The following CDH12 variants were observed in gnomAD, a reference collection of about 807,000 sequenced individuals.
CDH12 encodes the protein cadherin 12.
CDH12 carries 41 observed loss-of-function variants against 74.1 expected under a neutral mutation model. The ratio of observed to expected loss-of-function variants is 0.55; its 90% confidence interval spans 0.43 to 0.72. The LOEUF is 0.72. Among genes scored for constraint, CDH12 ranks in the 30% least tolerant of loss-of-function variants. The probability of loss-of-function intolerance (pLI) is 0.00; values close to 1 mark genes in which losing one functional copy is unlikely to be tolerated. For missense variants in CDH12, 945 were observed against 977.2 expected, an observed-to-expected ratio of 0.97 and a Z score of 0.44; for synonymous variants, 399 against 355.0, an observed-to-expected ratio of 1.12 and a Z score of -1.39.
Position 21,804,242 on chromosome 5 carries a change from A to C in CDH12, c.1003-1822T>G, listed in dbSNP as rs535343099. On this transcript the variant is annotated intron_variant, in intron 9 of 14. Coordinates refer to ENST00000382254, the MANE Select transcript of CDH12 (RefSeq NM_004061.5). ...ATATAAGCAAAGAATAGTATGCATA[A>C]TATGCGATGGTTGATAATGTGGCCT... 3.3e-5 allele frequency among the ~76,000 whole-genome samples: 5 copies of C among 152,296 alleles called. No homozygotes were observed. In the East Asian group the frequency reaches 9.6e-4, roughly 29 times the overall value.
chr5:22,200,660 G>C (rs926226995), intron 4 of CDH12, among the ~76,000 whole-genome samples: 1 of 152,158 alleles, frequency 6.6e-6, no homozygotes, highest in African/African-American at 2.4e-5. Flanking sequence ...TGTGTTCTCT[G>C]ACATTTCATC....
intron 1 of CDH12, among the ~76,000 whole-genome samples, chr5:22,756,116 AAAAG>A (rs1262498698): frequency 3.0e-4 from 45 of 147,830 alleles, no homozygotes; most frequent in Middle Eastern, 3.6e-3. Flanking sequence ...AAAAAAAAAA[AAAAG>A]AAAGAAAGAA....
chr5:22,343,511 G>A (rs1043214057), intron 3 of CDH12, among the ~76,000 whole-genome samples: 8 of 152,108 alleles, frequency 5.3e-5, no homozygotes, highest in South Asian at 2.1e-4. Context: ...TCTGCCTCCC[G>A]GGTTCATGCC....
At chr5:21,804,306 A>C (rs536711503) in intron 9 of CDH12, among the ~76,000 whole-genome samples, 37 of 152,258 alleles carry the variant, frequency 2.4e-4, no homozygotes, top group African/African-American at 8.7e-4. Flanking sequence ...TGAAAAAAAG[A>C]GAGAGGATCA....
chr5:21,976,481 A>T (rs1166792117), intron 5 of CDH12, among the ~76,000 whole-genome samples: 1 of 150,596 alleles, frequency 6.6e-6, no homozygotes, highest in African/African-American at 2.4e-5. Context: ...AAAATAGTGC[A>T]TCATATATAA....
At chr5:21,792,391 G>A (rs181702501) in intron 10 of CDH12, among the ~76,000 whole-genome samples, 100 of 151,702 alleles carry the variant, frequency 6.6e-4, no homozygotes, top group African/African-American at 2.3e-3. Context: ...TCTATTGCTT[G>A]TTTTAAATGT....
intron 3 of CDH12, among the ~76,000 whole-genome samples, chr5:22,377,489 G>A (rs760388250): frequency 2.0e-5 from 3 of 152,166 alleles, no homozygotes; most frequent in Non-Finnish European, 2.9e-5. Flanking sequence ...ATTTGCATCC[G>A]GCTTGAGAGA....
At chr5:21,883,320 G>A (rs1243441261) in intron 6 of CDH12, 10 of 1,510,708 alleles carry the variant, frequency 6.6e-6, no homozygotes, top group African/African-American at 1.4e-5. Flanking sequence ...GGATGCCTAT[G>A]TTCTGTTGAG....
intron 5 of CDH12, among the ~76,000 whole-genome samples, chr5:22,003,308 A>C (rs1270853900): frequency 6.6e-6 from 1 of 152,206 alleles, no homozygotes; most frequent in African/African-American, 2.4e-5. Context: ...TTAGTTAATG[A>C]AGTCATCTGT....
At chr5:21,804,693 C>CACACAT (rs1561199577) in intron 9 of CDH12, among the ~76,000 whole-genome samples, 1 of 137,602 alleles carries the variant, frequency 7.3e-6, no homozygotes, top group Admixed American at 7.3e-5. Flanking sequence ...CACACACACA[C>CACACAT]ATAGATGTTT....
At chr5:22,572,187 C>T (rs1318680306) in intron 1 of CDH12, among the ~76,000 whole-genome samples, 1 of 151,982 alleles carries the variant, frequency 6.6e-6, no homozygotes, top group Non-Finnish European at 1.5e-5. Flanking sequence ...CTTACCTTGC[C>T]CTAAGATTTC....
intron 6 of CDH12, among the ~76,000 whole-genome samples, chr5:21,895,921 A>C (rs531841541): frequency 2.6e-5 from 4 of 152,262 alleles, no homozygotes; most frequent in African/African-American, 7.2e-5. Context: ...AGTTATTTTC[A>C]TCAGTGTGTG....
chr5:21,817,538 TGATA>T (rs759136259), intron 8 of CDH12, among the ~76,000 whole-genome samples: 172 of 151,816 alleles, frequency 1.1e-3, no homozygotes, highest in East Asian at 2.9e-3. Context: ...GATAGATAGA[TGATA>T]GATAGATAGA....
intron 3 of CDH12, among the ~76,000 whole-genome samples, chr5:22,247,264 C>T (rs1252475345): frequency 1.3e-5 from 2 of 151,928 alleles, no homozygotes; most frequent in African/African-American, 2.4e-5. Flanking sequence ...AGTTACTTCC[C>T]CTTCTCTTCT....
chr5:22,493,463 A>C (rs1210799676), intron 2 of CDH12, among the ~76,000 whole-genome samples: 3 of 152,196 alleles, frequency 2.0e-5, no homozygotes, highest in Non-Finnish European at 4.4e-5. Flanking sequence ...GAATATAATA[A>C]ATTTAATGCA....
At chr5:22,711,574 T>A (rs1743289648) in intron 1 of CDH12, among the ~76,000 whole-genome samples, 1 of 152,122 alleles carries the variant, frequency 6.6e-6, no homozygotes, top group African/African-American at 2.4e-5. Flanking sequence ...GGTCTTGTCA[T>A]AAATAATTGA....
intron 3 of CDH12, among the ~76,000 whole-genome samples, chr5:22,403,292 C>A (rs1369171638): frequency 6.6e-6 from 1 of 152,278 alleles, no homozygotes. Context: ...GTGGGTGCAA[C>A]AACCCTTGAG....
At chr5:22,396,819 T>G (rs1204758586) in intron 3 of CDH12, among the ~76,000 whole-genome samples, 1 of 152,064 alleles carries the variant, frequency 6.6e-6, no homozygotes, top group African/African-American at 2.4e-5. Context: ...TTTCTGTTAG[T>G]CATTGGTTTC....
intron 1 of CDH12, among the ~76,000 whole-genome samples, chr5:22,665,328 AT>A (rs529638515): frequency 6.4e-4 from 97 of 152,136 alleles, no homozygotes; most frequent in Middle Eastern, 3.4e-3. Context: ...TCTAGCTGAA[AT>A]TTTTTTTCCC....
Sources: allele counts gnomAD v4.1 joint callset (sites outside exome capture counted in the v4.1 genomes callset), GRCh38; gene constraint gnomAD v4.1.1; transcripts MANE v1.5; gene names NCBI Gene and HGNC (gene_info 2026-07-23, HGNC 2026-07-21).